The following ATRN variants were observed in gnomAD, a reference collection of about 807,000 sequenced individuals.
ATRN encodes the protein attractin-2.
ATRN carries 54 observed loss-of-function variants against 178.7 expected under a neutral mutation model. The ratio of observed to expected loss-of-function variants is 0.30; its 90% CI spans 0.24 to 0.38. ATRN has a LOEUF of 0.38. Ranked by LOEUF, ATRN falls within the 10% of genes least tolerant of loss-of-function variation. The pLI, the probability that ATRN is intolerant of heterozygous loss-of-function variation, is 1.00. For synonymous variants in ATRN, 636 were observed against 663.0 expected (o/e 0.96, Z 0.63); for missense variants, 1,443 against 1,815.1 (o/e 0.79, Z 3.73).
intron 1 of ATRN, among the ~76,000 whole-genome samples, chr20:3,476,132 G>T (rs149252767): frequency 6.6e-6 from 1 of 152,316 alleles, no homozygotes; most frequent in Admixed American, 6.5e-5. Context: ...GCAACAAAGC[G>T]AGACCCTTGT....
At chr20:3,629,181 CACTTG>C in intron 25 of ATRN, 11 of 985,424 alleles carry the variant, frequency 1.1e-5, no homozygotes, top group Non-Finnish European at 1.3e-5. Context: ...TGGACCTTTT[CACTTG>C]ACTTTGGCCC....
chr20:3,525,480 A>T (rs574993965), intron 1 of ATRN, among the ~76,000 whole-genome samples: 1 of 152,326 alleles, frequency 6.6e-6, no homozygotes, highest in Non-Finnish European at 1.5e-5. Context: ...TACAAAGAGG[A>T]GCTGGTACCA....
chr20:3,537,489 T>G (rs964721339), intron 2 of ATRN, among the ~76,000 whole-genome samples: 1 of 82,668 alleles, frequency 1.2e-5, no homozygotes, highest in African/African-American at 5.4e-5. Flanking sequence ...ATTTTTTTCT[T>G]GTTTTTTTTT....
intron 15 of ATRN, among the ~76,000 whole-genome samples, chr20:3,581,767 A>AT (rs2086285312): frequency 6.6e-6 from 1 of 152,160 alleles, no homozygotes; most frequent in South Asian, 2.1e-4. Context: ...ATTTCTGTGA[A>AT]TTTTTGATAT....
At position 3,572,814 on chromosome 20, in the gene ATRN, G is replaced by A. The variant is rs368914863; in HGVS notation, c.1955G>A (p.Arg652Gln). Residue 652 changes from arginine (R) to glutamine (Q), a missense_variant, in exon 12 of 29, where the codon CGG (arginine) becomes CAG (glutamine). Physicochemically the swap from Arg to Gln is conservative, Grantham distance 43. Coordinates refer to ENST00000262919, the MANE Select transcript of ATRN (RefSeq NM_139321.3). ...ACCTCGGAACAGTGTGATGCGCATCGGAGTGAAGCCGCTTGTTTAGCAGCA... is the reference window on the plus strand; with the variant it reads ...ACCTCGGAACAGTGTGATGCGCATCAGAGTGAAGCCGCTTGTTTAGCAGCA... Reference protein sequence around the residue: ...VFTSEQCDAHRSEAACLAAGP... With the variant: ...VFTSEQCDAHQSEAACLAAGP... 74 of 1,613,754 alleles carry A rather than the reference G, an allele frequency of 4.6e-5. No individual in the cohort carries two copies. The highest frequency in any genetic ancestry group is 8.9e-5 in the East Asian group (4 of 44,880).
intron 1 of ATRN, among the ~76,000 whole-genome samples, chr20:3,512,142 A>T (rs238695): frequency 0.016 from 2,138 of 137,464 alleles, 49 homozygotes; most frequent in African/African-American, 0.046. Context: ...GTTCTAGGGT[A>T]CATGTGCACA....
Position 3,549,320 on chromosome 20 carries a change from A to T in ATRN, c.1094A>T (p.Asp365Val). 1 of 1,592,158 alleles carries T rather than the reference A, an allele frequency of 6.3e-7. No homozygotes were observed. Among genetic ancestry groups the T allele is most frequent in the Non-Finnish European group, 8.5e-7 (1 of 1,173,228 alleles). Residue 365 changes from aspartate to valine, a missense_variant, in exon 6 of 29, where the codon GAT (aspartate) becomes GTT (valine). Physicochemically the swap from Asp to Val is radical, Grantham distance 152. Around this residue, in one of 4 missense-constraint regions of ATRN, gnomAD observed 862 missense variants for 972.1 expected, o/e 0.89. Transcript: ENST00000262919. Reference protein sequence around the residue: ...VVGGYMFNHSDYNMVLAYDLA... With the variant: ...VVGGYMFNHSVYNMVLAYDLA... ...GGAGGATATATGTTCAACCACTCAG[A>T]TTATAACATGGTTCTAGCGTAAGTC... is the stretch of plus-strand genomic sequence containing the variant.
At chr20:3,597,059 C>CGT (rs2086540168) in intron 21 of ATRN, among the ~76,000 whole-genome samples, 1 of 24,364 alleles carries the variant, frequency 4.1e-5, no homozygotes, top group African/African-American at 1.3e-4. Context: ...AATATGACTT[C>CGT]ATATATATAT....
intron 1 of ATRN, among the ~76,000 whole-genome samples, chr20:3,488,946 ATGTT>A (rs554679143): frequency 0.02 from 3,000 of 151,782 alleles, 105 homozygotes; most frequent in African/African-American, 0.068. Context: ...AAGATATTTG[ATGTT>A]TGTTTGTTTG....
intron 1 of ATRN, among the ~76,000 whole-genome samples, chr20:3,495,128 A>G (rs979283571): frequency 7.9e-5 from 12 of 152,204 alleles, no homozygotes; most frequent in Non-Finnish European, 1.5e-4. Context: ...GTATGAGTCA[A>G]TATTCATGAT....
At chr20:3,561,046 C>A in intron 8 of ATRN, 141 bp downstream of exon 8, 4 of 1,120,884 alleles carry the variant, frequency 3.6e-6, no homozygotes, top group Non-Finnish European at 5.1e-6. Context: ...TGGGCCCAGG[C>A]GTGGTGGCCC....
At chr20:3,483,055 C>T (rs888843902) in intron 1 of ATRN, among the ~76,000 whole-genome samples, 2 of 152,152 alleles carry the variant, frequency 1.3e-5, no homozygotes, top group Admixed American at 1.3e-4. Flanking sequence ...GTACCCTTTC[C>T]CCAGAGGTAA....
rs1568775245 is a variant in ATRN at position 3,632,425 on chromosome 20, C to A, written c.3864-1886C>A. 6.6e-6 allele frequency among the ~76,000 whole-genome samples: 1 copy of A among 152,160 alleles called. No homozygotes were observed. Among genetic ancestry groups the A allele is most frequent in the Non-Finnish European group, 1.5e-5 (1 of 68,018 alleles). On this transcript the variant is annotated intron_variant, in intron 25 of 28. Coordinates refer to ENST00000262919, the MANE Select transcript of ATRN (RefSeq NM_139321.3). The surrounding 1 kb of genome is among the most constrained non-coding windows in gnomAD (Gnocchi z 4.2). ...CCCTTCTCTCTGCCTTTGTCTCTGGCCTTACACACCCCACTCCAAACATGC... is the reference window on the plus strand; with the variant it reads ...CCCTTCTCTCTGCCTTTGTCTCTGGACTTACACACCCCACTCCAAACATGC...
At chr20:3,527,903 T>C (rs151536) in intron 1 of ATRN, among the ~76,000 whole-genome samples, 38,773 of 142,852 alleles carry the variant, frequency 0.27, 5,722 homozygotes, top group African/African-American at 0.34. Context: ...GAACATCGCA[T>C]ACTGGGGCCT....
chr20:3,584,554 T>C, intron 17 of ATRN, 93 bp from the exon 18 acceptor site: 2 of 846,708 alleles, frequency 2.4e-6, no homozygotes, highest in African/African-American at 3.4e-5. Flanking sequence ...TATTTTTGAC[T>C]CAAGCCAGTT....
Position 3,638,798 on chromosome 20 carries a change from C to T in ATRN, c.3943-30C>T. On this transcript the variant is annotated intron_variant, in intron 26 of 28. Transcript: ENST00000262919. The surrounding 1 kb of genome is among the most constrained non-coding windows in gnomAD (Gnocchi z 4.5). The stretch of plus-strand genomic sequence containing the variant: ...AATAAAACCCCTTCAGTACTCATTC[C>T]ATTAATGGCTTTGCCATATTATTTA... 6.3e-7 allele frequency: 1 copy of T among 1,589,730 alleles called. No homozygotes were observed. The highest frequency in any genetic ancestry group is 8.6e-7 in the Non-Finnish European group (1 of 1,158,274).
chr20:3,518,780 G>T (rs151569), intron 1 of ATRN, among the ~76,000 whole-genome samples: 40,302 of 151,090 alleles, frequency 0.27, 5,920 homozygotes, highest in African/African-American at 0.33. Flanking sequence ...CAGTAGTTTG[G>T]GTACTTAAAA....
intron 1 of ATRN, among the ~76,000 whole-genome samples, chr20:3,534,502 A>G (rs1240658665): frequency 1.3e-5 from 2 of 152,130 alleles, no homozygotes; most frequent in East Asian, 3.9e-4. Flanking sequence ...ATTTGTTAAT[A>G]TCTTTAGTGC....
chr20:3,635,271 G>T (rs1251747988), intron 26 of ATRN, among the ~76,000 whole-genome samples: 1 of 151,692 alleles, frequency 6.6e-6, no homozygotes, highest in Non-Finnish European at 1.5e-5. Context: ...TACACTGCTC[G>T]GGTGATAGGT....
Sources: allele counts gnomAD v4.1 joint callset (sites outside exome capture counted in the v4.1 genomes callset), GRCh38; gene constraint gnomAD v4.1.1; regional missense constraint gnomAD v4.1.1; non-coding constraint Gnocchi (gnomAD v3.1); transcripts MANE v1.5; gene names NCBI Gene and HGNC (gene_info 2026-07-23, HGNC 2026-07-21).